The following ST3GAL5 variants were observed in gnomAD, a reference collection of about 807,000 sequenced individuals.
The protein encoded by ST3GAL5 is ST3 beta-galactoside alpha-2,3-sialyltransferase 5.
Under a neutral mutation model 46.1 loss-of-function variants are expected in ST3GAL5, and 25 were observed. The ratio of observed to expected loss-of-function variants is 0.54; its 90% confidence interval spans 0.40 to 0.76. ST3GAL5 has a LOEUF of 0.76. ST3GAL5 is among the 30% of genes least tolerant of loss of function. The probability of loss-of-function intolerance (pLI) is 0.00; values close to 1 mark genes in which losing one functional copy is unlikely to be tolerated. For synonymous variants in ST3GAL5, 182 were observed against 192.7 expected (o/e 0.94, Z 0.46); for missense variants, 431 against 521.2 (o/e 0.83, Z 1.69).
At chr2:85,868,750 C>CT (rs1319430827) in intron 1 of ST3GAL5, among the ~76,000 whole-genome samples, 1 of 152,002 alleles carries the variant, frequency 6.6e-6, no homozygotes, top group East Asian at 1.9e-4. Context: ...TCCCGAGTAG[C>CT]TGGGACTACA....
chr2:85,866,014 G>A (rs569433632), intron 1 of ST3GAL5: 14 of 152,216 alleles, frequency 9.2e-5, no homozygotes, highest in Non-Finnish European at 1.5e-4. Context: ...GTGTGCATTC[G>A]GATTCTTGGG....
At chr2:85,855,921 G>A (rs1684051006) in intron 3 of ST3GAL5, 1 of 152,184 alleles carries the variant, frequency 6.6e-6, no homozygotes, top group African/African-American at 2.4e-5. Flanking sequence ...CAGGATGACA[G>A]TAGTAAAAAA....
At chr2:85,871,871 G>T (rs1021596897) in intron 1 of ST3GAL5, among the ~76,000 whole-genome samples, 1 of 152,212 alleles carries the variant, frequency 6.6e-6, no homozygotes, top group Non-Finnish European at 1.5e-5. Context: ...ATCTGAAGTT[G>T]GGAAAGCAGA....
Position 85,864,009 on chromosome 2 carries a change from T to G in ST3GAL5, c.83-524A>C, listed in dbSNP as rs951978818. ...GCATGAGCCACTGCACCCGGCTGAT[T>G]TTTAACATTCTTAAAATGACAAAAT... On this transcript the variant is annotated intron_variant, in intron 1 of 6. Transcript: ENST00000638572. Among the ~76,000 whole-genome samples, 31 of 152,158 alleles carry G rather than the reference T, an allele frequency of 2.0e-4. 1 individual carries two copies.
chr2:85,886,648 G>T (rs1411262449), intron 1 of ST3GAL5, among the ~76,000 whole-genome samples: 2 of 152,070 alleles, frequency 1.3e-5, no homozygotes, highest in Non-Finnish European at 2.9e-5. Context: ...GCTCCCTTAC[G>T]CATTTCACTT....
intron 1 of ST3GAL5, among the ~76,000 whole-genome samples, chr2:85,867,318 G>T (rs1685392550): frequency 6.6e-6 from 1 of 152,116 alleles, no homozygotes; most frequent in Non-Finnish European, 1.5e-5. Flanking sequence ...CCCCAGTCTT[G>T]CTGACTCAGC....
chr2:85,851,819 G>A lies in ST3GAL5; in HGVS notation c.319-3615C>T, dbSNP rs1683545265. On this transcript the variant is annotated intron_variant, in intron 3 of 6. Coordinates refer to ENST00000638572, the MANE Select transcript of ST3GAL5 (RefSeq NM_003896.4). ...GCATTCATCCAGATGAGGCTCACTG[G>A]AAGCCAGGAGCTGGTGACTCTCTCG... The A allele has an allele frequency of 3.8e-6, 3 of 788,640 alleles. No homozygotes were observed. The African/African-American group carries it at 5.4e-5, about 14-fold the overall frequency. 48.9% of individuals were successfully genotyped at this position (788,640 alleles called of 1,614,324 possible).
At chr2:85,852,868 T>C in intron 3 of ST3GAL5, 1 of 1,303,814 alleles carries the variant, frequency 7.7e-7, no homozygotes, top group Non-Finnish European at 1.0e-6. Flanking sequence ...ACCTCTAAGA[T>C]ATCCCAGGAA....
At chr2:85,863,119 A>G (rs535215065) in intron 2 of ST3GAL5, among the ~76,000 whole-genome samples, 1 of 152,352 alleles carries the variant, frequency 6.6e-6, no homozygotes, top group South Asian at 2.1e-4. Context: ...CATCCAGGCC[A>G]AGGTAGAGAG....
chr2:85,889,005 C>T (rs1352111812), upstream of ST3GAL5: 3 of 941,036 alleles, frequency 3.2e-6, no homozygotes, highest in South Asian at 4.1e-5. Flanking sequence ...GCCGCCGCTC[C>T]CCCGCTCAGA....
intron 1 of ST3GAL5, among the ~76,000 whole-genome samples, chr2:85,880,201 G>A (rs925463950): frequency 2.6e-5 from 4 of 152,194 alleles, no homozygotes; most frequent in Non-Finnish European, 4.4e-5. Context: ...AGTTTGGCAG[G>A]ACCTGGCAAT....
At chr2:85,848,436 A>G (rs1487921276) in intron 3 of ST3GAL5, 1 of 1,500,756 alleles carries the variant, frequency 6.7e-7, no homozygotes, top group East Asian at 2.7e-5. Flanking sequence ...ATTTCATTGC[A>G]CAGGCAAAGC....
intron 1 of ST3GAL5, chr2:85,888,352 T>C (rs1687999883): frequency 6.5e-6 from 1 of 152,934 alleles, no homozygotes; most frequent in Admixed American, 6.5e-5. Context: ...GCAGGGAAGG[T>C]CACCGGCAAA....
chr2:85,888,832 G>A lies in ST3GAL5; in HGVS notation c.74C>T (p.Ala25Val). ...GGGGCTGCGCCACGTACCTCGGCCG[G>A]CAGGTGCCGCCGCTGCCTCGGTCCG... ...QPRTEAAAAP[A>V]GRAMPSEYTY... The change falls in exon 1 of 7, where the codon GCC becomes GTC. Residue 25 changes from alanine to valine, a missense_variant. Ala to Val is a moderately conservative substitution (Grantham distance 64). Coordinates refer to ENST00000638572, the MANE Select transcript of ST3GAL5 (RefSeq NM_003896.4). 1 of 1,274,770 alleles carries A rather than the reference G, an allele frequency of 7.8e-7. No individual in the cohort carries two copies. The highest frequency in any genetic ancestry group is 1.6e-5 in the African/African-American group (1 of 64,104). The allele number at this position is 1,274,770 out of a possible 1,614,324, so 79.0% of individuals were successfully genotyped here.
chr2:85,859,242 G>A (rs531781577), intron 3 of ST3GAL5, among the ~76,000 whole-genome samples: 1 of 152,272 alleles, frequency 6.6e-6, no homozygotes, highest in East Asian at 1.9e-4. Context: ...TAATGGACAG[G>A]AAAAAGAGGA....
chr2:85,851,052 G>A (rs1044371006), intron 3 of ST3GAL5: 1 of 162,152 alleles, frequency 6.2e-6, no homozygotes, highest in Non-Finnish European at 1.3e-5. Flanking sequence ...GAGTAGCTGG[G>A]ATTACAGGCG....
intron 1 of ST3GAL5, among the ~76,000 whole-genome samples, chr2:85,876,133 A>G (rs564783095): frequency 2.6e-5 from 4 of 152,208 alleles, no homozygotes; most frequent in Non-Finnish European, 5.9e-5. Context: ...GGATTTGGGT[A>G]AAATGCACCC....
Position 85,888,914 on chromosome 2 carries a change from G to C in ST3GAL5, c.-9C>G. On this transcript the variant is annotated 5_prime_UTR_variant, in exon 1 of 7. Transcript: ENST00000638572. Reference sequence around the variant, plus strand: ...GCCGCCTTCGTCCGCATACTAATGAGGGGGCGCCGGCCGGCCGCCAGCCCG... The same window carrying C: ...GCCGCCTTCGTCCGCATACTAATGACGGGGCGCCGGCCGGCCGCCAGCCCG... 7.4e-7 allele frequency: 1 copy of C among 1,350,862 alleles called. No individual in the cohort carries two copies. Among genetic ancestry groups the C allele is most frequent in the Non-Finnish European group, 9.6e-7 (1 of 1,044,910 alleles). 83.7% of individuals were successfully genotyped at this position (1,350,862 alleles called of 1,614,324 possible). A position where few individuals can be genotyped will look rare whatever the true frequency, so the allele number is the denominator to read the frequency against.
At chr2:85,853,923 C>T (rs1683814505) in intron 3 of ST3GAL5, 1 of 152,188 alleles carries the variant, frequency 6.6e-6, no homozygotes, top group Non-Finnish European at 1.5e-5. Context: ...AGCATTTTAA[C>T]AAGGTCAAAA....
Sources: allele counts gnomAD v4.1 joint callset (sites outside exome capture counted in the v4.1 genomes callset), GRCh38; gene constraint gnomAD v4.1.1; transcripts MANE v1.5; gene names NCBI Gene and HGNC (gene_info 2026-07-23, HGNC 2026-07-21).